The following NUDCD1 variants were observed in gnomAD, a reference collection of about 807,000 sequenced individuals.
NUDCD1 encodes the protein nudC domain-containing protein 1.
NUDCD1 carries 60 observed loss-of-function variants against 67.8 expected under a neutral mutation model. That is an observed-to-expected ratio of 0.88 (90% confidence interval 0.72 to 1.10). The LOEUF (loss-of-function observed/expected upper bound fraction) is 1.10, where lower values mean the gene tolerates loss of function less well. NUDCD1 is among the 50% of genes least tolerant of loss of function. The pLI is 0.00. For missense variants in NUDCD1, 643 were observed against 695.0 expected (o/e 0.93, Z 0.84); for synonymous variants, 244 against 230.8 (o/e 1.06, Z -0.52).
intron 7 of NUDCD1, among the ~76,000 whole-genome samples, chr8:109,271,961 A>T (rs1814167954): frequency 6.6e-6 from 1 of 152,142 alleles, no homozygotes; most frequent in South Asian, 2.1e-4. Context: ...TAACTTTGGA[A>T]AAGGGAAGAA....
chr8:109,313,387 A>T (rs1472120224), intron 2 of NUDCD1, among the ~76,000 whole-genome samples: 2 of 152,256 alleles, frequency 1.3e-5, no homozygotes, highest in Non-Finnish European at 2.9e-5. Flanking sequence ...ATATGAATCC[A>T]TATATGCCAA....
At chr8:109,275,792 G>A (rs1563668096) in intron 6 of NUDCD1, among the ~76,000 whole-genome samples, 1 of 152,294 alleles carries the variant, frequency 6.6e-6, no homozygotes, top group South Asian at 2.1e-4. Flanking sequence ...CTGGTATGCA[G>A]TATGTTCCTG....
At chr8:109,285,538 A>G (rs2980612) in intron 5 of NUDCD1, among the ~76,000 whole-genome samples, 54,787 of 152,082 alleles carry the variant, frequency 0.36, 10,696 homozygotes, top group South Asian at 0.5. Context: ...GATTCACTAC[A>G]TAAACAGAAT....
At chr8:109,300,920 G>A (rs1317981670) in intron 2 of NUDCD1, among the ~76,000 whole-genome samples, 1 of 152,180 alleles carries the variant, frequency 6.6e-6, no homozygotes, top group Non-Finnish European at 1.5e-5. Context: ...AGCCCTACAA[G>A]CTAGAAGGGA....
At chr8:109,284,097 A>G (rs922867963) in intron 5 of NUDCD1, among the ~76,000 whole-genome samples, 3 of 152,156 alleles carry the variant, frequency 2.0e-5, no homozygotes, top group Non-Finnish European at 4.4e-5. Context: ...GGCTGGAAAA[A>G]AACTTGCTAT....
chr8:109,310,093 C>T (rs781336575), intron 2 of NUDCD1, among the ~76,000 whole-genome samples: 1 of 151,984 alleles, frequency 6.6e-6, no homozygotes, highest in East Asian at 1.9e-4. Context: ...ATCAAAATAC[C>T]ACCACCATTC....
At chr8:109,243,998 A>C (rs1407684745) in intron 9 of NUDCD1, among the ~76,000 whole-genome samples, 5 of 152,132 alleles carry the variant, frequency 3.3e-5, no homozygotes, top group Admixed American at 3.3e-4. Flanking sequence ...TTTGGATTAA[A>C]ACAACATTTA....
intron 3 of NUDCD1, among the ~76,000 whole-genome samples, chr8:109,295,830 G>T (rs892567811): frequency 5.3e-5 from 8 of 151,954 alleles, no homozygotes; most frequent in African/African-American, 1.9e-4. Context: ...TAGTTCTAGA[G>T]AAATTAATTC....
chr8:109,296,494 C>T lies in NUDCD1; in HGVS notation c.349G>A (p.Ala117Thr). The change falls in exon 3 of 10, where the codon GCA becomes ACA. Residue 117 changes from alanine (A) to threonine (T), a missense_variant. Transcript: ENST00000239690. Reference protein sequence around the residue: ...DLTACDNRLCASIHFSSSTWV... With the variant: ...DLTACDNRLCTSIHFSSSTWV... ...GTAGAAGATGAGAAATGGATAGATG[C>T]ACAAAGACGGTTGTCACATGCTGTC... The T allele has an allele frequency of 6.2e-7, 1 of 1,613,246 alleles. No individual in the cohort carries two copies. The highest frequency in any genetic ancestry group is 8.5e-7 in the Non-Finnish European group (1 of 1,179,362).
intron 8 of NUDCD1, among the ~76,000 whole-genome samples, chr8:109,265,351 G>T (rs1813969941): frequency 6.6e-6 from 1 of 151,834 alleles, no homozygotes; most frequent in Admixed American, 6.6e-5. Context: ...ATGTAAAGGG[G>T]TCCTGAGACC....
intron 5 of NUDCD1, among the ~76,000 whole-genome samples, chr8:109,287,736 C>T (rs1170266352): frequency 1.3e-5 from 2 of 152,044 alleles, no homozygotes; most frequent in Admixed American, 6.6e-5. Context: ...CCATGCAATA[C>T]AACCAGGTAA....
In NUDCD1 at chr8:109,275,393, C is replaced by A; in HGVS notation, c.1132G>T (p.Ala378Ser). The change falls in exon 7 of 10, where the codon GCA (alanine) becomes TCA (serine). Residue 378 changes from alanine (A) to serine (S), a missense_variant. By Grantham distance (99) the Ala-to-Ser change is moderately conservative. Coordinates refer to ENST00000239690, the MANE Select transcript of NUDCD1 (RefSeq NM_032869.4). ...AAATGCATCAAACGTTCAGCTATTG[C>A]AGCACACTGGGCTGAATCTCTTATA... ...ELIRDSAQCA[A>S]IAERLMHLTS... is the part of the protein sequence containing the mutation. 6.2e-7 allele frequency: 1 copy of A among 1,613,654 alleles called. No homozygotes were observed. Among genetic ancestry groups the A allele is most frequent in the Non-Finnish European group, 8.5e-7 (1 of 1,179,692 alleles).
intron 1 of NUDCD1, among the ~76,000 whole-genome samples, chr8:109,330,331 G>A (rs1815777527): frequency 1.3e-5 from 2 of 152,122 alleles, no homozygotes; most frequent in Admixed American, 6.6e-5. Context: ...TGACACCAGA[G>A]ACCACATCAT....
In NUDCD1 at chr8:109,252,540, T is replaced by C. The variant is rs569339609; in HGVS notation, c.1300-7059A>G. ...TCCAATTCTGAACCAGGACATCTTC[T>C]AATGTCCTGCCCTCGCCAAGGTCCA... On this transcript the variant is annotated intron_variant, in intron 8 of 9. Coordinates refer to ENST00000239690, the MANE Select transcript of NUDCD1 (RefSeq NM_032869.4). 2.6e-5 allele frequency among the ~76,000 whole-genome samples: 4 copies of C among 152,298 alleles called. No individual in the cohort carries two copies. In the South Asian group the frequency reaches 8.3e-4, roughly 32 times the overall value.
chr8:109,274,867 C>T (rs1227331627), intron 7 of NUDCD1, among the ~76,000 whole-genome samples: 2 of 152,068 alleles, frequency 1.3e-5, no homozygotes, highest in African/African-American at 4.8e-5. Context: ...ATGTATTCAA[C>T]CTCATGATTA....
intron 1 of NUDCD1, among the ~76,000 whole-genome samples, chr8:109,333,361 C>G (rs947342484): frequency 2.6e-5 from 4 of 152,206 alleles, no homozygotes; most frequent in Admixed American, 6.5e-5. Context: ...CTTTTCCTCA[C>G]TATCTTCTAG....
chr8:109,301,584 C>T (rs535211888), intron 2 of NUDCD1, among the ~76,000 whole-genome samples: 15 of 152,368 alleles, frequency 9.8e-5, no homozygotes, highest in African/African-American at 1.7e-4. Flanking sequence ...GATCCACCTA[C>T]GACCTCGGGT....
chr8:109,272,856 A>G (rs1241431979), intron 7 of NUDCD1, among the ~76,000 whole-genome samples: 3 of 152,152 alleles, frequency 2.0e-5, no homozygotes, highest in Non-Finnish European at 4.4e-5. Context: ...GGCTGGCTGT[A>G]AAGGCACCGC....
rs1814146113 is a variant in NUDCD1 at position 109,271,138 on chromosome 8, C to A, written c.1174-8G>T. 1 of 1,519,240 alleles carries A rather than the reference C, an allele frequency of 6.6e-7. No homozygotes were observed. Among genetic ancestry groups the A allele is most frequent in the Non-Finnish European group, 8.9e-7 (1 of 1,119,278 alleles). The allele number at this position is 1,519,240 out of a possible 1,614,324, so 94.1% of individuals were successfully genotyped here. On this transcript the variant is annotated splice_polypyrimidine_tract_variant and splice_region_variant and intron_variant, in intron 7 of 9. Transcript: ENST00000239690. ...TTTATCTGGATTTGGATTCTTAGTC[C>A]AGAAAATAAAATAAGTAAATAAGTA...
Sources: allele counts gnomAD v4.1 joint callset (sites outside exome capture counted in the v4.1 genomes callset), GRCh38; gene constraint gnomAD v4.1.1; transcripts MANE v1.5; gene names NCBI Gene and HGNC (gene_info 2026-07-23, HGNC 2026-07-21).